The following ARID1A variants were observed in gnomAD, a reference collection of about 807,000 sequenced individuals.
The protein encoded by ARID1A is AT-rich interaction domain 1A, also known as AT-rich interactive domain-containing protein 1A.
ARID1A carries 20 observed loss-of-function variants against 212.6 expected under a neutral mutation model. That is an observed-to-expected ratio of 0.09 (90% confidence interval 0.07 to 0.14). The LOEUF is 0.14. ARID1A is among the 10% of genes least tolerant of loss of function. ARID1A has a pLI of 1.00. For synonymous variants in ARID1A, 1,376 were observed against 1,222.1 expected (o/e 1.13, Z -2.63); for missense variants, 2,587 against 3,059.0 (o/e 0.85, Z 3.64).
chr1:26,753,599 A>G (rs1241394184), intron 4 of ARID1A, among the ~76,000 whole-genome samples: 1 of 152,218 alleles, frequency 6.6e-6, no homozygotes, highest in Admixed American at 6.5e-5. Flanking sequence ...ACGTGAGGAA[A>G]TTCTCCTGGC....
In ARID1A at chr1:26,697,243, C is replaced by T. The variant is rs754527281; in HGVS notation, c.840C>T (p.Ser280=). The part of the protein sequence containing the change: ...RFGAMGGGGP[S]AAGGGTPQPT... The stretch of plus-strand genomic sequence containing the variant: ...GGGCCATGGGGGGAGGCGGCCCCTC[C>T]GCGGCCGGCGGGGGAACTCCCCAGC... Residue 280 remains serine (S), a synonymous_variant, in exon 1 of 20, where the codon TCC becomes TCT. Transcript: ENST00000324856. The T allele has an allele frequency of 7.3e-7, 1 of 1,372,904 alleles. No individual in the cohort carries two copies. The highest frequency in any genetic ancestry group is 9.3e-7 in the Non-Finnish European group (1 of 1,070,400). 85.0% of individuals were successfully genotyped at this position (1,372,904 alleles called of 1,614,324 possible).
chr1:26,715,607 T>G (rs1226672482), intron 1 of ARID1A, among the ~76,000 whole-genome samples: 6 of 152,242 alleles, frequency 3.9e-5, no homozygotes, highest in Non-Finnish European at 8.8e-5. Flanking sequence ...CCATCAGGAT[T>G]TCCTAGACTT....
At chr1:26,748,295 C>G (rs1436606096) in intron 4 of ARID1A, among the ~76,000 whole-genome samples, 1 of 152,098 alleles carries the variant, frequency 6.6e-6, no homozygotes, top group African/African-American at 2.4e-5. Flanking sequence ...TAAGGCAACA[C>G]CCCCTCCTTA....
At chr1:26,735,438 G>A (rs2080720309) in intron 4 of ARID1A, among the ~76,000 whole-genome samples, 1 of 152,114 alleles carries the variant, frequency 6.6e-6, no homozygotes, top group South Asian at 2.1e-4. Flanking sequence ...GATTACAGGC[G>A]CCCTCTACCA....
intron 2 of ARID1A, among the ~76,000 whole-genome samples, chr1:26,730,414 A>G (rs962564362): frequency 2.1e-4 from 32 of 152,126 alleles, no homozygotes; most frequent in African/African-American, 7.5e-4. Context: ...CTTTATTGTC[A>G]TTTTTGTATT....
At position 26,766,519 on chromosome 1, in the gene ARID1A, A is replaced by G. The variant is rs1455792000; in HGVS notation, c.2941A>G (p.Met981Val). The change falls in exon 10 of 20, where the codon ATG (methionine) becomes GTG (valine). Residue 981 changes from methionine (M) to valine (V), a missense_variant. By Grantham distance (21) the Met-to-Val change is conservative (BLOSUM62 1). Coordinates refer to ENST00000324856, the MANE Select transcript of ARID1A (RefSeq NM_006015.6). ...TGTAAAGTTAACTCCAGCCACCAAA[A>G]TGAACAACAAGGCAGATGGGACACC... Reference protein sequence around the residue: ...GDVKLTPATKMNNKADGTPKT... With the variant: ...GDVKLTPATKVNNKADGTPKT... The G allele has an allele frequency of 6.2e-7, 1 of 1,614,004 alleles. No individual in the cohort carries two copies.
At position 26,697,156 on chromosome 1, in the gene ARID1A, G is replaced by A. The variant is rs1217485804; in HGVS notation, c.753G>A (p.Pro251=). The change falls in exon 1 of 20, where the codon CCG becomes CCA. Residue 251 remains proline, a synonymous_variant. Coordinates refer to ENST00000324856, the MANE Select transcript of ARID1A (RefSeq NM_006015.6). ...SGAAAAAGSK[P]PPSSSASASS... The stretch of plus-strand genomic sequence containing the variant: ...CGGCGGCGGCTGCCGGCTCCAAGCC[G>A]CCTCCCTCCTCCAGCGCCTCCGCCT... The A allele has an allele frequency of 6.9e-7, 1 of 1,439,700 alleles. No homozygotes were observed. The highest frequency in any genetic ancestry group is 9.1e-7 in the Non-Finnish European group (1 of 1,099,452). 89.2% of individuals were successfully genotyped at this position (1,439,700 alleles called of 1,614,324 possible). A position where few individuals can be genotyped will look rare whatever the true frequency, so the allele number is the denominator to read the frequency against.
chr1:26,731,636 T>G, intron 3 of ARID1A, 32 bp downstream of exon 3: 1 of 1,602,868 alleles, frequency 6.2e-7, no homozygotes, highest in Non-Finnish European at 8.5e-7. Context: ...CCCTTCCCTG[T>G]GTGTGACTAC....
intron 1 of ARID1A, among the ~76,000 whole-genome samples, chr1:26,706,483 T>C (rs965338768): frequency 6.6e-6 from 1 of 152,206 alleles, no homozygotes; most frequent in Non-Finnish European, 1.5e-5. Context: ...GCTCATGTTT[T>C]CTTTGAGGTC....
In ARID1A at chr1:26,697,402, C is replaced by G; in HGVS notation, c.999C>G (p.Ala333=). The change falls in exon 1 of 20, where the codon GCC becomes GCG. Residue 333 remains alanine, a synonymous_variant. Coordinates refer to ENST00000324856, the MANE Select transcript of ARID1A (RefSeq NM_006015.6). ...GGAGKGPADM[A]SQCWGAAAAA... ...CCGGCAAGGGCCCGGCGGACATGGC[C>G]TCGCAGTGTTGGGGGGCTGCGGCGG... 7.5e-7 allele frequency: 1 copy of G among 1,338,666 alleles called. No homozygotes were observed. The highest frequency in any genetic ancestry group is 9.5e-7 in the Non-Finnish European group (1 of 1,055,548). The allele number at this position is 1,338,666 out of a possible 1,614,324, so 82.9% of individuals were successfully genotyped here.
chr1:26,778,950 T>G (rs2124135856), intron 19 of ARID1A, 73 bp from the exon 20 acceptor site: 2 of 1,391,610 alleles, frequency 1.4e-6, no homozygotes, highest in South Asian at 1.7e-5. Flanking sequence ...CTTGGGGAGG[T>G]CTCTCAAGTC....
chr1:26,731,772 ACCT>A (rs1384296785), intron 3 of ARID1A, among the ~76,000 whole-genome samples, 168 bp downstream of exon 3: 8 of 152,204 alleles, frequency 5.3e-5, no homozygotes, highest in African/African-American at 1.9e-4. Context: ...TAAAGGCATA[ACCT>A]CCTTAACTGC....
intron 4 of ARID1A, among the ~76,000 whole-genome samples, chr1:26,739,563 T>G (rs1187015566): frequency 6.6e-6 from 1 of 152,196 alleles, no homozygotes; most frequent in Non-Finnish European, 1.5e-5. Flanking sequence ...ATAGTGGTGA[T>G]TTACACTGTA....
At chr1:26,706,805 A>G (rs1417100968) in intron 1 of ARID1A, among the ~76,000 whole-genome samples, 1 of 152,170 alleles carries the variant, frequency 6.6e-6, no homozygotes, top group African/African-American at 2.4e-5. Context: ...CCTTTGGACA[A>G]CATTCTGTTC....
rs150534917 is a variant in ARID1A, at chr1:26,779,389, C to G, written c.5491C>G (p.Leu1831Val). The G allele has an allele frequency of 3.8e-4, 619 of 1,614,206 alleles. No individual in the cohort carries two copies. Among genetic ancestry groups the G allele is most frequent in the Non-Finnish European group, 4.9e-4 (577 of 1,180,046 alleles). The part of the protein sequence containing the change: ...DPFVVDCSDK[L>V]GRVQEFDSGL... ...ATTTGTGGTGGACTGCTCAGATAAG[C>G]TTGGGCGTGTGCAGGAGTTTGACAG... Residue 1831 changes from leucine to valine, a missense_variant, in exon 20 of 20, where the codon CTT (leucine) becomes GTT (valine). Physicochemically the swap from Leu to Val is conservative, Grantham distance 32 (BLOSUM62 1). Coordinates refer to ENST00000324856, the MANE Select transcript of ARID1A (RefSeq NM_006015.6).
chr1:26,748,477 G>C (rs1163456182), intron 4 of ARID1A, among the ~76,000 whole-genome samples: 1 of 152,082 alleles, frequency 6.6e-6, no homozygotes, highest in Non-Finnish European at 1.5e-5. Context: ...GAGAAAGTAG[G>C]GGGTTCCTAA....
intron 12 of ARID1A, chr1:26,772,166 A>G (rs2081088070): frequency 3.7e-6 from 1 of 273,738 alleles, no homozygotes. Flanking sequence ...ATGCACCAGC[A>G]TTACAGGGTT....
At chr1:26,710,768 A>T (rs990533849) in intron 1 of ARID1A, among the ~76,000 whole-genome samples, 1 of 152,174 alleles carries the variant, frequency 6.6e-6, no homozygotes, top group African/African-American at 2.4e-5. Flanking sequence ...GTATATCCAG[A>T]TTACCTGAGG....
chr1:26,732,243 T>C (rs1472361053), intron 3 of ARID1A, among the ~76,000 whole-genome samples: 1 of 152,226 alleles, frequency 6.6e-6, no homozygotes, highest in Non-Finnish European at 1.5e-5. Context: ...AAGAGATGAC[T>C]GAGTGATGAC....
Sources: allele counts gnomAD v4.1 joint callset (sites outside exome capture counted in the v4.1 genomes callset), GRCh38; gene constraint gnomAD v4.1.1; transcripts MANE v1.5; gene names NCBI Gene and HGNC (gene_info 2026-07-23, HGNC 2026-07-21).